The following KLHL29 variants were observed in gnomAD, a reference collection of about 807,000 sequenced individuals.
The protein encoded by KLHL29 is kelch-like protein 29.
KLHL29 carries 21 observed loss-of-function variants against 80.4 expected under a neutral mutation model. The observed-to-expected ratio is 0.26, with a 90% CI of 0.19 to 0.38. KLHL29 has a LOEUF of 0.38. Among genes scored for constraint, KLHL29 ranks in the 10% least tolerant of loss-of-function variants. The probability of loss-of-function intolerance (pLI) is 1.00; values close to 1 mark genes in which losing one functional copy is unlikely to be tolerated. For missense variants in KLHL29, 867 were observed against 1,223.9 expected (o/e 0.71, Z 4.35); for synonymous variants, 511 against 526.8 (o/e 0.97, Z 0.41).
chr2:23,655,665 C>A (rs377421244), intron 5 of KLHL29, among the ~76,000 whole-genome samples: 1 of 152,334 alleles, frequency 6.6e-6, no homozygotes, highest in African/African-American at 2.4e-5. Flanking sequence ...CCATTAGCCC[C>A]TACCTCAGGA....
chr2:23,636,376 A>G (rs1669609207), intron 3 of KLHL29, among the ~76,000 whole-genome samples: 2 of 151,556 alleles, frequency 1.3e-5, no homozygotes, highest in Admixed American at 6.6e-5. Context: ...GAAAATGGGT[A>G]GCCTTATGTA....
At chr2:23,653,916 C>G (rs1489944326) in intron 5 of KLHL29, among the ~76,000 whole-genome samples, 1 of 152,162 alleles carries the variant, frequency 6.6e-6, no homozygotes, top group Non-Finnish European at 1.5e-5. Flanking sequence ...CCTATAATCC[C>G]AGCACTTTGG....
At chr2:23,623,926 G>C (rs1025925443) in intron 3 of KLHL29, among the ~76,000 whole-genome samples, 7 of 152,222 alleles carry the variant, frequency 4.6e-5, no homozygotes, top group Non-Finnish European at 1.0e-4. Flanking sequence ...CATTTCTGCA[G>C]CTGACTTAAA....
rs1196840466 is a variant in KLHL29 at position 23,681,195 on chromosome 2, C to T, written c.941-3204C>T. ...GCCCGCACACACCAGCCAATCGATA[C>T]TAGGAATGCACTTGGGGCCTGCTGG... On this transcript the variant is annotated intron_variant, in intron 5 of 13. Transcript: ENST00000486442. The surrounding 1 kb of genome is among the most constrained non-coding windows in gnomAD (Gnocchi z 4.2). Among the ~76,000 whole-genome samples the T allele has an allele frequency of 1.3e-5, 2 of 152,230 alleles. No homozygotes were observed. Among genetic ancestry groups the T allele is most frequent in the Non-Finnish European group, 1.5e-5 (1 of 68,040 alleles).
At chr2:23,702,144 C>T (rs994862898) in intron 11 of KLHL29, among the ~76,000 whole-genome samples, 2 of 152,022 alleles carry the variant, frequency 1.3e-5, no homozygotes, top group Non-Finnish European at 2.9e-5. Flanking sequence ...TTTTAACTAC[C>T]CCCCACTTCC....
intron 5 of KLHL29, among the ~76,000 whole-genome samples, chr2:23,676,018 C>T (rs1035076769): frequency 1.3e-4 from 20 of 152,142 alleles, no homozygotes; most frequent in Non-Finnish European, 2.1e-4. Context: ...AAAAGCCCTC[C>T]AGAAGATCAC....
At position 23,703,851 on chromosome 2, in the gene KLHL29, G is replaced by A. The variant is rs1045478508; in HGVS notation, c.2432G>A (p.Arg811His). ...GCGGGCCCAAACATGAACCACTCTC[G>A]CCAGTTCTGCAGGTGAGAGGCTGCG... Reference protein sequence around the residue: ...IKAGPNMNHSRQFCSAVVLDG... With the variant: ...IKAGPNMNHSHQFCSAVVLDG... The change falls in exon 13 of 14, where the codon CGC (arginine) becomes CAC (histidine). Residue 811 changes from arginine (R) to histidine (H), a missense_variant. By Grantham distance (29) the Arg-to-His change is conservative. Around this residue, in one of 2 missense-constraint regions of KLHL29, gnomAD observed 443 missense variants for 767.0 expected, o/e 0.58. Transcript: ENST00000486442. 7 of 1,536,806 alleles carry A rather than the reference G, an allele frequency of 4.6e-6. No homozygotes were observed. The highest frequency in any genetic ancestry group is 5.2e-6 in the Non-Finnish European group (6 of 1,146,608).
intron 1 of KLHL29, among the ~76,000 whole-genome samples, chr2:23,394,780 T>C (rs1666408317): frequency 6.6e-6 from 1 of 152,236 alleles, no homozygotes; most frequent in South Asian, 2.1e-4. Context: ...ACCTTCAGAC[T>C]TAAATGTGCT....
intron 2 of KLHL29, among the ~76,000 whole-genome samples, chr2:23,501,285 A>G (rs1474860455): frequency 2.0e-5 from 3 of 151,916 alleles, no homozygotes; most frequent in African/African-American, 7.3e-5. Flanking sequence ...TCAGCCCCCT[A>G]TTCCTGCTTT....
chr2:23,531,411 C>T (rs758868173), intron 2 of KLHL29, among the ~76,000 whole-genome samples: 20 of 152,198 alleles, frequency 1.3e-4, no homozygotes, highest in Non-Finnish European at 2.1e-4. Context: ...TTCCATCCCC[C>T]ACCCACCCAC....
chr2:23,603,386 A>T (rs1668623024), intron 3 of KLHL29, among the ~76,000 whole-genome samples: 2 of 152,134 alleles, frequency 1.3e-5, no homozygotes, highest in Non-Finnish European at 1.5e-5. Flanking sequence ...GGGCTCTGAC[A>T]GCAGGAACAG....
At chr2:23,470,665 AGCATGCCAGGAGCT>A (rs1263335970) in intron 1 of KLHL29, among the ~76,000 whole-genome samples, 7 of 152,338 alleles carry the variant, frequency 4.6e-5, no homozygotes, top group African/African-American at 1.7e-4. Context: ...GCCTACAAAA[AGCATGCCAGGAGCT>A]GCATCCCTAC....
chr2:23,431,901 CAAAAA>C (rs11357606), intron 1 of KLHL29, among the ~76,000 whole-genome samples: 5 of 67,910 alleles, frequency 7.4e-5, no homozygotes, highest in African/African-American at 2.1e-4. Flanking sequence ...GACTCCATCT[CAAAAA>C]AAAAAAAAAA....
intron 2 of KLHL29, among the ~76,000 whole-genome samples, chr2:23,521,209 A>T (rs1558370717): frequency 1.3e-5 from 2 of 152,226 alleles, no homozygotes; most frequent in East Asian, 3.9e-4. Context: ...CCCCAAGGGC[A>T]TTCCTTGTGG....
chr2:23,420,304 C>T (rs900344762), intron 1 of KLHL29, among the ~76,000 whole-genome samples: 3 of 152,216 alleles, frequency 2.0e-5, no homozygotes, highest in African/African-American at 7.2e-5. Flanking sequence ...TTGCTGCGTC[C>T]ACACCGATCC....
chr2:23,607,894 G>A (rs1465631087), intron 3 of KLHL29, among the ~76,000 whole-genome samples: 1 of 152,200 alleles, frequency 6.6e-6, no homozygotes, highest in Non-Finnish European at 1.5e-5. Context: ...GGGGACCACT[G>A]CCTTAGAGAG....
chr2:23,452,912 C>CACACA (rs554453898), intron 1 of KLHL29, among the ~76,000 whole-genome samples: 22 of 150,266 alleles, frequency 1.5e-4, no homozygotes, highest in African/African-American at 2.7e-4. Context: ...ACCCCCCCGC[C>CACACA]CACACACACA....
At chr2:23,540,471 C>T (rs1306325743) in intron 2 of KLHL29, among the ~76,000 whole-genome samples, 1 of 152,202 alleles carries the variant, frequency 6.6e-6, no homozygotes, top group East Asian at 1.9e-4. Context: ...TCCTCTTGAG[C>T]ATCTTTCTTT....
intron 1 of KLHL29, among the ~76,000 whole-genome samples, chr2:23,385,989 A>AG (rs1041486395): frequency 3.9e-5 from 6 of 151,930 alleles, no homozygotes; most frequent in African/African-American, 1.2e-4. Flanking sequence ...GCGCTGCTCC[A>AG]GGGGGAAAAA....
Sources: gnomAD v4.1 joint callset for allele counts (sites outside exome capture counted in the v4.1 genomes callset) on GRCh38, gnomAD v4.1.1 for gene constraint, gnomAD v4.1.1 regional missense constraint, Gnocchi (gnomAD v3.1) non-coding constraint, MANE v1.5 for transcripts, NCBI Gene and HGNC (gene_info 2026-07-23, HGNC 2026-07-21) for gene names.